Variants in SNRNP200 observed in about 807,000 individuals in gnomAD.
The protein encoded by SNRNP200 is small nuclear ribonucleoprotein U5 subunit 200.
Under a neutral mutation model 255.2 loss-of-function variants are expected in SNRNP200, and 66 were observed. The observed-to-expected ratio is 0.26, with a 90% CI of 0.21 to 0.32. SNRNP200 has a LOEUF of 0.32. SNRNP200 is among the 10% of genes least tolerant of loss of function. The probability of loss-of-function intolerance (pLI) is 1.00; values close to 1 mark genes in which losing one functional copy is unlikely to be tolerated. For missense variants in SNRNP200, 1,585 were observed against 2,749.8 expected (o/e 0.58, Z 9.47); for synonymous variants, 939 against 1,027.8 (o/e 0.91, Z 1.65).
intron 9 of SNRNP200, 127 bp downstream of exon 9, chr2:96,298,157 T>C: frequency 1.4e-6 from 2 of 1,411,648 alleles, no homozygotes; most frequent in South Asian, 2.3e-5. Flanking sequence ...TATGCACTGA[T>C]AAACCCCAAA....
intron 43 of SNRNP200, 167 bp downstream of exon 43, chr2:96,276,737 A>C (rs776948424): frequency 3.8e-6 from 3 of 798,294 alleles, no homozygotes; most frequent in African/African-American, 3.4e-5. Context: ...GTTTAAGCAG[A>C]AACAAACAGA....
chr2:96,279,544 G>A lies in SNRNP200; in HGVS notation c.5040C>T (p.Pro1680=). ...NGKIHAYVDY[P]IYDVLQMVGH... is the part of the protein sequence containing the mutation. ...CCACCATCTGAAGCACGTCATAGAT[G>A]GGGTAATCCACATAGCTGGTGACAG... The change falls in exon 36 of 45, where the codon CCC becomes CCT. Residue 1680 remains proline (P), a synonymous_variant. Transcript: ENST00000323853. 4 of 1,612,556 alleles carry A rather than the reference G, an allele frequency of 2.5e-6. No homozygotes were observed. Among genetic ancestry groups the A allele is most frequent in the Middle Eastern group, 1.6e-4 (1 of 6,062 alleles).
intron 35 of SNRNP200, 63 bp downstream of exon 35, chr2:96,281,751 T>C (rs1684763034): frequency 5.5e-6 from 7 of 1,272,194 alleles, no homozygotes; most frequent in Non-Finnish European, 8.1e-6. Context: ...TCTGTGTATC[T>C]GCAGATTCAC....
Position 96,281,677 on chromosome 2 carries a change from C to T in SNRNP200, c.5024+137G>A, listed in dbSNP as rs1049231819. 15 of 740,892 alleles carry T rather than the reference C, an allele frequency of 2.0e-5. No homozygotes were observed. In the African/African-American group the frequency reaches 2.2e-4, roughly 11 times the overall value. The allele number at this position is 740,892 out of a possible 1,614,324, so 45.9% of individuals were successfully genotyped here. The stretch of plus-strand genomic sequence containing the variant: ...TATTGAGACACAAAACTCTCAAACA[C>T]TTGGCTCTGGTGGCATCTCAGCTGT... On this transcript the variant is annotated intron_variant, in intron 35 of 44. Transcript: ENST00000323853.
rs1271937932 is a variant in SNRNP200, at chr2:96,290,274, G to T, written c.2742+52C>A. Reference sequence around the variant, plus strand: ...CAATAGGGACCGACCCACTCCTGGTGCCTTGGTGTCTGCGGGGAAAGCATG... The same window carrying T: ...CAATAGGGACCGACCCACTCCTGGTTCCTTGGTGTCTGCGGGGAAAGCATG... On this transcript the variant is annotated intron_variant, in intron 20 of 44. Transcript: ENST00000323853. This position sits in a 1 kb window ranked among gnomAD's most constrained non-coding sequence, Gnocchi z 4.5. 3 of 1,592,780 alleles carry T rather than the reference G, an allele frequency of 1.9e-6. No homozygotes were observed. The highest frequency in any genetic ancestry group is 1.3e-5 in the African/African-American group (1 of 74,576).
rs755845307 is a variant in SNRNP200, at chr2:96,278,509, G to T, written c.5488+38C>A. 6.2e-7 allele frequency: 1 copy of T among 1,612,634 alleles called. No homozygotes were observed. The highest frequency in any genetic ancestry group is 8.5e-7 in the Non-Finnish European group (1 of 1,179,950). On this transcript the variant is annotated intron_variant, in intron 38 of 44. Coordinates refer to ENST00000323853, the MANE Select transcript of SNRNP200 (RefSeq NM_014014.5). This position sits in a 1 kb window ranked among gnomAD's most constrained non-coding sequence, Gnocchi z 6.9. ...GTGGGCTCCTGACCCGTGTAAAAAG[G>T]CTCCCACAGACAGGACACGGGCCAT...
chr2:96,278,689 C>T lies in SNRNP200; in HGVS notation c.5346G>A (p.Ser1782=), dbSNP rs756239767. 1.3e-5 allele frequency: 21 copies of T among 1,614,028 alleles called. No individual in the cohort carries two copies. Among genetic ancestry groups the T allele is most frequent in the African/African-American group, 8.0e-5 (6 of 74,914 alleles). The change falls in exon 38 of 45, where the codon TCG becomes TCA. Residue 1782 remains serine, a synonymous_variant. Transcript: ENST00000323853. This position sits in a 1 kb window ranked among gnomAD's most constrained non-coding sequence, Gnocchi z 6.9. ...NLQGISHRHL[S]DHLSELVEQT... ...GCTCCACCAGCTCTGACAAGTGGTC[C>T]GACAAGTGACGATGGGAGATGCCTA...
chr2:96,283,665 G>C lies in SNRNP200; in HGVS notation c.4633C>G (p.Pro1545Ala). The C allele has an allele frequency of 1.2e-6, 2 of 1,614,198 alleles. No individual in the cohort carries two copies. Among genetic ancestry groups the C allele is most frequent in the Non-Finnish European group, 8.5e-7 (1 of 1,180,042 alleles). The change falls in exon 33 of 45, where the codon CCT (proline) becomes GCT (alanine). Residue 1545 changes from proline (P) to alanine (A), a missense_variant. By Grantham distance (27) the Pro-to-Ala change is conservative. This residue lies in a region of SNRNP200 where 719 missense variants were observed against 1,091.1 expected (regional missense o/e 0.66). Coordinates refer to ENST00000323853, the MANE Select transcript of SNRNP200 (RefSeq NM_014014.5). The surrounding 1 kb of genome is among the most constrained non-coding windows in gnomAD (Gnocchi z 4.7). ...TQTRLLSMAK[P>A]VYHAITKHSP... ...TGCTTGGTGATAGCATGGTACACAG[G>C]CTTGGCCATGGAGAGCAGGCGGGTT...
In SNRNP200 at chr2:96,286,551, T is replaced by A; in HGVS notation, c.3830-67A>T. 1 of 1,601,942 alleles carries A rather than the reference T, an allele frequency of 6.2e-7. No homozygotes were observed. The highest frequency in any genetic ancestry group is 8.5e-7 in the Non-Finnish European group (1 of 1,171,280). ...TTCCCTCACTGGCCTCTAGATCCCCTCCATGAACACTGGAAACCTAGGCAG... is the reference window on the plus strand; with the variant it reads ...TTCCCTCACTGGCCTCTAGATCCCCACCATGAACACTGGAAACCTAGGCAG... On this transcript the variant is annotated intron_variant, in intron 28 of 44. Coordinates refer to ENST00000323853, the MANE Select transcript of SNRNP200 (RefSeq NM_014014.5). This position sits in a 1 kb window ranked among gnomAD's most constrained non-coding sequence, Gnocchi z 4.8.
chr2:96,288,011 TC>T, intron 24 of SNRNP200, 42 bp from the exon 25 acceptor site: 1 of 1,570,818 alleles, frequency 6.4e-7, no homozygotes, highest in Non-Finnish European at 8.8e-7. Context: ...GTCTCGACTA[TC>T]CCCAGGCCTC....
At chr2:96,282,855 C>A (rs1344103208) in intron 34 of SNRNP200, 1 of 385,906 alleles carries the variant, frequency 2.6e-6, no homozygotes, top group East Asian at 6.1e-5. Flanking sequence ...TCAGGTATTT[C>A]TTTATAGCAA....
intron 15 of SNRNP200, 34 bp from the exon 16 acceptor site, chr2:96,293,129 G>A: frequency 6.2e-7 from 1 of 1,613,922 alleles, no homozygotes; most frequent in Non-Finnish European, 8.5e-7. Context: ...ATGAGGCTTT[G>A]GCAGAAAATA....
chr2:96,305,022 TA>T (rs1297805967), intron 1 of SNRNP200, among the ~76,000 whole-genome samples, 154 bp from the exon 2 acceptor site: 1 of 152,204 alleles, frequency 6.6e-6, no homozygotes, highest in Non-Finnish European at 1.5e-5. Context: ...TTGCATAGTA[TA>T]ACGCTGTGCA....
chr2:96,282,696 AC>A (rs1306489849), intron 34 of SNRNP200: 1 of 254,064 alleles, frequency 3.9e-6, no homozygotes, highest in East Asian at 9.9e-5. Context: ...CTCCCCACTC[AC>A]TCTCTCGGTC....
Position 96,277,063 on chromosome 2 carries a change from GCAC to G in SNRNP200, c.6092+15_6092+17del. 1.9e-6 allele frequency: 3 copies of G among 1,614,112 alleles called. No individual in the cohort carries two copies. Among genetic ancestry groups the G allele is most frequent in the Non-Finnish European group, 2.5e-6 (3 of 1,179,986 alleles). Reference sequence around the variant, plus strand: ...CACACTATTATGCTGTGCCCAACAGGCACCACCTCTGGCTCACCTGCGGATGCT... The same window carrying G: ...CACACTATTATGCTGTGCCCAACAGGCACCTCTGGCTCACCTGCGGATGCT... On this transcript the variant is annotated intron_variant, in intron 42 of 44. Coordinates refer to ENST00000323853, the MANE Select transcript of SNRNP200 (RefSeq NM_014014.5). This position sits in a 1 kb window ranked among gnomAD's most constrained non-coding sequence, Gnocchi z 4.4.
rs1327992391 is a variant in SNRNP200 at position 96,291,012 on chromosome 2, A to G, written c.2422-197T>C. Among the ~76,000 whole-genome samples the G allele has an allele frequency of 6.6e-6, 1 of 152,194 alleles. No homozygotes were observed. Among genetic ancestry groups the G allele is most frequent in the Non-Finnish European group, 1.5e-5 (1 of 68,020 alleles). ...GGGTTCCTCATCTATTCAGTAATGAACATTTCAAGGTTCCAGAGGCACAAG... is the reference window on the plus strand; with the variant it reads ...GGGTTCCTCATCTATTCAGTAATGAGCATTTCAAGGTTCCAGAGGCACAAG... On this transcript the variant is annotated intron_variant, in intron 18 of 44. Coordinates refer to ENST00000323853, the MANE Select transcript of SNRNP200 (RefSeq NM_014014.5). The surrounding 1 kb of genome is among the most constrained non-coding windows in gnomAD (Gnocchi z 4.2).
rs2063851969 is a variant in SNRNP200, at chr2:96,287,675, C to T, written c.3366-118G>A. 1.1e-6 allele frequency: 1 copy of T among 941,264 alleles called. No individual in the cohort carries two copies. The highest frequency in any genetic ancestry group is 1.7e-5 in the Admixed American group (1 of 58,970). 58.3% of individuals were successfully genotyped at this position (941,264 alleles called of 1,614,324 possible). On this transcript the variant is annotated intron_variant, in intron 25 of 44. Transcript: ENST00000323853. The surrounding 1 kb of genome is among the most constrained non-coding windows in gnomAD (Gnocchi z 5.7). ...ACAAAACACAGTCATTAAAGGCAGA[C>T]ACTGACACTGTGCCAGCCCTGGCCT...
At chr2:96,284,072 T>C (rs2104340484) in intron 31 of SNRNP200, 68 bp from the exon 32 acceptor site, 1 of 1,437,070 alleles carries the variant, frequency 7.0e-7, no homozygotes, top group East Asian at 2.5e-5. Context: ...GAGGTCCCCT[T>C]TGTGAACAGC....
chr2:96,292,001 G>GTCCTGGA, intron 16 of SNRNP200, 101 bp from the exon 17 acceptor site: 1 of 1,329,170 alleles, frequency 7.5e-7, no homozygotes, highest in Non-Finnish European at 1.1e-6. Context: ...AGAAGCCAAG[G>GTCCTGGA]TCCTGGAGAG....
Sources: allele counts gnomAD v4.1 joint callset (sites outside exome capture counted in the v4.1 genomes callset), GRCh38; gene constraint gnomAD v4.1.1; regional missense constraint gnomAD v4.1.1; non-coding constraint Gnocchi (gnomAD v3.1); transcripts MANE v1.5; gene names NCBI Gene and HGNC (gene_info 2026-07-23, HGNC 2026-07-21).